The following ADCY8 variants were observed in gnomAD, a reference collection of about 807,000 sequenced individuals.
The protein encoded by ADCY8 is adenylate cyclase 8, also known as adenylate cyclase type 8.
Under a neutral mutation model 119.7 loss-of-function variants are expected in ADCY8, and 51 were observed. The observed-to-expected ratio is 0.43, with a 90% CI of 0.34 to 0.54. The LOEUF is 0.54. ADCY8 is among the 20% of genes least tolerant of loss of function. The probability of loss-of-function intolerance (pLI) is 0.03; values close to 1 mark genes in which losing one functional copy is unlikely to be tolerated. For synonymous variants in ADCY8, 665 were observed against 651.0 expected (o/e 1.02, Z -0.33); for missense variants, 1,383 against 1,598.8 (o/e 0.87, Z 2.30).
At chr8:130,976,113 A>G (rs1425494275) in intron 2 of ADCY8, among the ~76,000 whole-genome samples, 1 of 152,212 alleles carries the variant, frequency 6.6e-6, no homozygotes, top group Non-Finnish European at 1.5e-5. Context: ...CTCCAAGAAC[A>G]TTCTGTCTAC....
chr8:130,999,707 T>C (rs956946459), intron 1 of ADCY8, among the ~76,000 whole-genome samples: 5 of 152,208 alleles, frequency 3.3e-5, no homozygotes, highest in East Asian at 1.9e-4. Context: ...GGAAAGAAGA[T>C]ACTTCCACCT....
At chr8:130,821,684 T>C (rs1355229047) in intron 12 of ADCY8, among the ~76,000 whole-genome samples, 1 of 152,192 alleles carries the variant, frequency 6.6e-6, no homozygotes, top group Non-Finnish European at 1.5e-5. Flanking sequence ...ACATTAATAA[T>C]AATGTTTTCT....
intron 2 of ADCY8, among the ~76,000 whole-genome samples, chr8:130,952,966 G>C (rs1241321115): frequency 6.6e-6 from 1 of 152,158 alleles, no homozygotes; most frequent in East Asian, 1.9e-4. Context: ...GCCTGAAAGT[G>C]GGTTCCTAAC....
intron 7 of ADCY8, 91 bp downstream of exon 7, chr8:130,903,681 A>G: frequency 7.0e-7 from 1 of 1,424,102 alleles, no homozygotes; most frequent in East Asian, 2.3e-5. Flanking sequence ...GAAAAGGTTA[A>G]AGATGAATCA....
chr8:130,790,127 A>G (rs1365578478), intron 15 of ADCY8, among the ~76,000 whole-genome samples: 1 of 100,528 alleles, frequency 9.9e-6, no homozygotes, highest in African/African-American at 4.9e-5. Context: ...CATCATGGAC[A>G]AGTGCATGCT....
At chr8:130,789,324 TG>T (rs1453276106) in intron 15 of ADCY8, among the ~76,000 whole-genome samples, 1 of 152,188 alleles carries the variant, frequency 6.6e-6, no homozygotes, top group Non-Finnish European at 1.5e-5. Flanking sequence ...TCCCTGTGCC[TG>T]GCCTCTCCTC....
intron 8 of ADCY8, among the ~76,000 whole-genome samples, chr8:130,875,808 A>G (rs896308049): frequency 2.0e-5 from 3 of 152,206 alleles, no homozygotes; most frequent in African/African-American, 7.2e-5. Flanking sequence ...GACATAGCTA[A>G]GAACCAATTG....
rs116621855 is a variant in ADCY8, at chr8:130,964,194, T to A, written c.1111-12196A>T. Among the ~76,000 whole-genome samples the A allele has an allele frequency of 9.1e-3, 1,393 of 152,364 alleles. 17 individuals are homozygous for A. Among genetic ancestry groups the A allele is most frequent in the Middle Eastern group, 0.034 (10 of 294 alleles). The stretch of plus-strand genomic sequence containing the variant: ...TTAGTGTGGTAGACGCTCTCTTGGC[T>A]GACATCCATTTAATCAACTCTCTGT... On this transcript the variant is annotated intron_variant, in intron 2 of 17. Transcript: ENST00000286355.
chr8:130,863,641 G>T (rs1241940759), intron 9 of ADCY8, among the ~76,000 whole-genome samples: 1 of 151,604 alleles, frequency 6.6e-6, no homozygotes, highest in East Asian at 1.9e-4. Context: ...CTTTAAAAAC[G>T]TTTTTTTAGT....
At position 130,794,246 on chromosome 8, in the gene ADCY8, G is replaced by T. The variant is rs960601158; in HGVS notation, c.3060+6180C>A. On this transcript the variant is annotated intron_variant, in intron 15 of 17. Transcript: ENST00000286355. ...GAATGCATTCTGGATTTGTTTGTTT[G>T]TTCGTTTGTTTGTTTTGAGACAGAG... 1.5e-4 allele frequency among the ~76,000 whole-genome samples: 23 copies of T among 151,920 alleles called. 2 individuals are homozygous for T. Among genetic ancestry groups the T allele is most frequent in the Admixed American group, 6.5e-4 (10 of 15,278 alleles).
Position 131,039,761 on chromosome 8 carries a change from C to G in ADCY8, c.573G>C (p.Leu191=), listed in dbSNP as rs745750170. ...SEVVMNVLDV[L]TKLTLLVLHL... is the part of the protein sequence containing the mutation. ...GTAGGACCAAGAGAGTGAGTTTGGT[C>G]AGCACGTCCAGCACGTTCATCACCA... Residue 191 remains leucine (L), a synonymous_variant, in exon 1 of 18, where the codon CTG becomes CTC. Coordinates refer to ENST00000286355, the MANE Select transcript of ADCY8 (RefSeq NM_001115.3). 6.2e-7 allele frequency: 1 copy of G among 1,614,176 alleles called. No individual in the cohort carries two copies. The highest frequency in any genetic ancestry group is 8.5e-7 in the Non-Finnish European group (1 of 1,180,032).
chr8:130,997,027 A>T (rs1165034349), intron 1 of ADCY8, among the ~76,000 whole-genome samples: 1 of 152,142 alleles, frequency 6.6e-6, no homozygotes, highest in African/African-American at 2.4e-5. Flanking sequence ...TTATAAATGG[A>T]AACTGCATAT....
chr8:130,875,704 AGAGTTTATG>A (rs1173516918), intron 8 of ADCY8, among the ~76,000 whole-genome samples: 4 of 152,220 alleles, frequency 2.6e-5, no homozygotes, highest in Non-Finnish European at 5.9e-5. Context: ...GAAACATTTT[AGAGTTTATG>A]ATTCATTTTT....
At chr8:130,961,572 A>G (rs1244977445) in intron 2 of ADCY8, among the ~76,000 whole-genome samples, 2 of 152,084 alleles carry the variant, frequency 1.3e-5, no homozygotes, top group Non-Finnish European at 2.9e-5. Context: ...TGAGAGGTCT[A>G]TGTACTGTTG....
chr8:130,828,471 G>A (rs922685901), intron 12 of ADCY8, among the ~76,000 whole-genome samples: 1 of 151,874 alleles, frequency 6.6e-6, no homozygotes, highest in African/African-American at 2.4e-5. Context: ...GAGACCACAT[G>A]GCATTTCCAG....
chr8:130,954,376 C>A (rs967103254), intron 2 of ADCY8, among the ~76,000 whole-genome samples: 1 of 152,102 alleles, frequency 6.6e-6, no homozygotes, highest in African/African-American at 2.4e-5. Context: ...GATGTTCCTC[C>A]CTGAAATTCA....
At chr8:130,897,701 CAT>C (rs1819444123) in intron 7 of ADCY8, among the ~76,000 whole-genome samples, 1 of 146,726 alleles carries the variant, frequency 6.8e-6, no homozygotes, top group Non-Finnish European at 1.5e-5. Flanking sequence ...ACACACCTCA[CAT>C]CATATGCACA....
chr8:130,881,976 A>C (rs1400860267), intron 8 of ADCY8, among the ~76,000 whole-genome samples: 1 of 151,878 alleles, frequency 6.6e-6, no homozygotes, highest in Non-Finnish European at 1.5e-5. Flanking sequence ...GTATAGGCAT[A>C]TGGGTTTCCT....
chr8:130,858,190 A>G (rs560162594), intron 9 of ADCY8, among the ~76,000 whole-genome samples: 1 of 150,816 alleles, frequency 6.6e-6, no homozygotes, highest in East Asian at 1.9e-4. Flanking sequence ...TTTAAAAAAC[A>G]GATATGTTAC....
Sources: gnomAD v4.1 joint callset for allele counts (sites outside exome capture counted in the v4.1 genomes callset) on GRCh38, gnomAD v4.1.1 for gene constraint, MANE v1.5 for transcripts, NCBI Gene and HGNC (gene_info 2026-07-23, HGNC 2026-07-21) for gene names.